The following PALM variants were observed in gnomAD, a reference collection of about 807,000 sequenced individuals.
The protein encoded by PALM is paralemmin-1.
In PALM, 18 loss-of-function variants were observed where a neutral mutation model predicts 30.7. That is an observed-to-expected ratio of 0.59 (90% CI 0.41 to 0.87). The LOEUF (loss-of-function observed/expected upper bound fraction) is 0.87, where lower values mean the gene tolerates loss of function less well. PALM is among the 40% of genes least tolerant of loss of function. The pLI is 0.00. For synonymous variants in PALM, 286 were observed against 242.8 expected, an observed-to-expected ratio of 1.18 and a Z score of -1.66; for missense variants, 529 against 555.4, an observed-to-expected ratio of 0.95 and a Z score of 0.48.
chr19:723,731 C>T (rs2032571893), intron 1 of PALM, among the ~76,000 whole-genome samples: 1 of 152,152 alleles, frequency 6.6e-6, no homozygotes, highest in South Asian at 2.1e-4. Context: ...GCTGGTTTTA[C>T]AGGTGCCTGC....
intron 1 of PALM, among the ~76,000 whole-genome samples, chr19:720,474 A>G (rs1445289914): frequency 9.4e-6 from 1 of 106,364 alleles, no homozygotes; most frequent in Non-Finnish European, 1.9e-5. Context: ...GTCCTGGGGA[A>G]AGGCGAGGGG....
chr19:720,708 C>T (rs1163810664), intron 1 of PALM, among the ~76,000 whole-genome samples: 1 of 151,998 alleles, frequency 6.6e-6, no homozygotes, highest in East Asian at 1.9e-4. Context: ...GTTCCCTGCC[C>T]GCCCGCCTGA....
In PALM at chr19:746,133, C is replaced by T. The variant is rs1015838701; in HGVS notation, c.635-152C>T. ...CCAACAGGGGGCTTTAATTGTCTGTCAGTTCTGACGGTGTAATCTAGTTCG... is the reference window on the plus strand; with the variant it reads ...CCAACAGGGGGCTTTAATTGTCTGTTAGTTCTGACGGTGTAATCTAGTTCG... On this transcript the variant is annotated intron_variant, in intron 8 of 8. Coordinates refer to ENST00000338448, the MANE Select transcript of PALM (RefSeq NM_002579.3). The surrounding 1 kb of genome is among the most constrained non-coding windows in gnomAD (Gnocchi z 7.1). 3.1e-5 allele frequency: 19 copies of T among 622,944 alleles called. No homozygotes were observed. Among genetic ancestry groups the T allele is most frequent in the Non-Finnish European group, 4.8e-5 (17 of 356,482 alleles). The allele number at this position is 622,944 out of a possible 1,614,324, so 38.6% of individuals were successfully genotyped here.
At chr19:720,514 G>A (rs1490834786) in intron 1 of PALM, among the ~76,000 whole-genome samples, 3 of 140,374 alleles carry the variant, frequency 2.1e-5, no homozygotes, top group Non-Finnish European at 4.7e-5. Context: ...GGTGAGGGGG[G>A]CGCCGGGTCT....
At chr19:717,522 C>T (rs1028629937) in intron 1 of PALM, among the ~76,000 whole-genome samples, 3 of 152,176 alleles carry the variant, frequency 2.0e-5, no homozygotes, top group Non-Finnish European at 2.9e-5. Context: ...AGTGCGTGGA[C>T]GGCCACATTG....
intron 8 of PALM, among the ~76,000 whole-genome samples, chr19:743,533 T>C (rs917758637): frequency 6.6e-5 from 10 of 152,236 alleles, no homozygotes; most frequent in Non-Finnish European, 1.3e-4. Flanking sequence ...CCTTGAAGCA[T>C]GGACTCCCCT....
At chr19:738,296 G>A (rs931045394) in intron 7 of PALM, among the ~76,000 whole-genome samples, 1 of 152,176 alleles carries the variant, frequency 6.6e-6, no homozygotes, top group Non-Finnish European at 1.5e-5. Context: ...GGAGGCCGAG[G>A]GGGGCAGATC....
intron 7 of PALM, among the ~76,000 whole-genome samples, chr19:739,196 A>G (rs533040526): frequency 2.0e-5 from 3 of 152,182 alleles, no homozygotes; most frequent in African/African-American, 7.2e-5. Context: ...AAGTTCGACT[A>G]TCTCAGGAGG....
Position 747,948 on chromosome 19 carries a change from A to G in PALM, c.*1134A>G, listed in dbSNP as rs2144943510. 1 of 152,574 alleles carries G rather than the reference A, an allele frequency of 6.6e-6. No homozygotes were observed. The highest frequency in any genetic ancestry group is 1.9e-4 in the East Asian group (1 of 5,188). The allele number at this position is 152,574 out of a possible 1,614,324, so 9.5% of individuals were successfully genotyped here. A position where few individuals can be genotyped will look rare whatever the true frequency, so the allele number is the denominator to read the frequency against. ...TGCACATTCTCACAGACACCGTCTCACACGTTGGCTTTGGACAACCAGGCC... is the reference window on the plus strand; with the variant it reads ...TGCACATTCTCACAGACACCGTCTCGCACGTTGGCTTTGGACAACCAGGCC... On this transcript the variant is annotated 3_prime_UTR_variant, in exon 9 of 9. Transcript: ENST00000338448.
intron 2 of PALM, 42 bp from the exon 3 acceptor site, chr19:726,962 CGGGA>C: frequency 9.7e-7 from 1 of 1,033,642 alleles, no homozygotes; most frequent in Non-Finnish European, 1.4e-6. Flanking sequence ...GGGGGGTCTC[CGGGA>C]CCCCCACGCC....
chr19:721,394 T>A (rs2032476981), intron 1 of PALM, among the ~76,000 whole-genome samples: 1 of 151,782 alleles, frequency 6.6e-6, no homozygotes, highest in Non-Finnish European at 1.5e-5. Flanking sequence ...GCCTCCCGAG[T>A]AGCTGGGATT....
At chr19:717,128 C>T (rs2032290577) in intron 1 of PALM, among the ~76,000 whole-genome samples, 1 of 152,288 alleles carries the variant, frequency 6.6e-6, no homozygotes, top group Admixed American at 6.5e-5. Context: ...CGGGGTTTCA[C>T]CATATTGACC....
At chr19:737,878 A>G (rs1303624670) in intron 7 of PALM, among the ~76,000 whole-genome samples, 2 of 152,108 alleles carry the variant, frequency 1.3e-5, no homozygotes, top group Non-Finnish European at 2.9e-5. Context: ...GGAGGGAGGC[A>G]GGAACCATGG....
intron 8 of PALM, among the ~76,000 whole-genome samples, chr19:744,742 A>T (rs2033287883): frequency 6.6e-6 from 1 of 151,272 alleles, no homozygotes; most frequent in African/African-American, 2.4e-5. Flanking sequence ...AAAAATACAA[A>T]AATCAGCCGG....
intron 1 of PALM, among the ~76,000 whole-genome samples, 168 bp from the exon 2 acceptor site, chr19:725,970 T>C (rs2032646383): frequency 6.6e-6 from 1 of 152,172 alleles, no homozygotes; most frequent in Non-Finnish European, 1.5e-5. Context: ...CCTTGGCCGC[T>C]GAGGGGGCAG....
intron 6 of PALM, chr19:735,067 G>A (rs548763208): frequency 6.7e-5 from 66 of 989,014 alleles, no homozygotes; most frequent in Non-Finnish European, 7.5e-5. Context: ...AATGAACTGT[G>A]AGGCTGCCTG....
At chr19:726,654 C>T (rs999483924) in intron 2 of PALM, among the ~76,000 whole-genome samples, 1 of 152,168 alleles carries the variant, frequency 6.6e-6, no homozygotes, top group Non-Finnish European at 1.5e-5. Context: ...GAGTGACCGC[C>T]ACGACGCTGG....
At chr19:719,917 T>C (rs974038514) in intron 1 of PALM, among the ~76,000 whole-genome samples, 4 of 151,992 alleles carry the variant, frequency 2.6e-5, no homozygotes, top group Non-Finnish European at 5.9e-5. Context: ...CCGTGCGTCG[T>C]GGTCATATTT....
chr19:746,154 GTTCGTGAT>G lies in PALM; in HGVS notation c.635-127_635-120del, dbSNP rs1468748142. ...CTGTCAGTTCTGACGGTGTAATCTA[GTTCGTGAT>G]TTCCTCTTTAGCCTGGAGGAGGATA... On this transcript the variant is annotated intron_variant, in intron 8 of 8. Coordinates refer to ENST00000338448, the MANE Select transcript of PALM (RefSeq NM_002579.3). This position sits in a 1 kb window ranked among gnomAD's most constrained non-coding sequence, Gnocchi z 7.1. 1 of 667,744 alleles carries G rather than the reference GTTCGTGAT, an allele frequency of 1.5e-6. No individual in the cohort carries two copies. Among genetic ancestry groups the G allele is most frequent in the Admixed American group, 2.7e-5 (1 of 36,830 alleles). The allele number at this position is 667,744 out of a possible 1,614,324, so 41.4% of individuals were successfully genotyped here.
Sources: allele counts gnomAD v4.1 joint callset (sites outside exome capture counted in the v4.1 genomes callset), GRCh38; gene constraint gnomAD v4.1.1; non-coding constraint Gnocchi (gnomAD v3.1); transcripts MANE v1.5; gene names NCBI Gene and HGNC (gene_info 2026-07-23, HGNC 2026-07-21).